CMC2: variants seen among roughly 807,000 people sequenced by gnomAD.
CMC2 encodes C-X9-C motif containing 2.
In CMC2, 5 loss-of-function variants were observed where a neutral mutation model predicts 7.5. The observed-to-expected ratio is 0.66, with a 90% confidence interval of 0.35 to 1.40. The LOEUF (loss-of-function observed/expected upper bound fraction) is 1.40. Among genes scored for constraint, CMC2 ranks in the 40% most tolerant of loss-of-function variants. The probability of loss-of-function intolerance (pLI) is 0.04; values close to 1 mark genes in which losing one functional copy is unlikely to be tolerated. For missense variants in CMC2, 115 were observed against 92.3 expected (o/e 1.25, Z -1.01); for synonymous variants, 37 against 31.4 (o/e 1.18, Z -0.60).
chr16:81,002,899 T>A (rs59569926), intron 1 of CMC2, among the ~76,000 whole-genome samples: 9,592 of 152,276 alleles, frequency 0.063, 979 homozygotes, highest in African/African-American at 0.21. Context: ...CCTTTTCCTA[T>A]TCTTGGTAAG....
At chr16:81,000,843 G>C (rs1190266526) in intron 1 of CMC2, among the ~76,000 whole-genome samples, 1 of 152,076 alleles carries the variant, frequency 6.6e-6, no homozygotes, top group Non-Finnish European at 1.5e-5. Context: ...CCCATTACTG[G>C]GTATATAGCC....
intron 2 of CMC2, among the ~76,000 whole-genome samples, chr16:80,989,119 G>A (rs1213304844): frequency 3.3e-5 from 5 of 152,250 alleles, no homozygotes; most frequent in East Asian, 1.9e-4. Context: ...TTTCTACACC[G>A]TATTCGTTTT....
intron 2 of CMC2, among the ~76,000 whole-genome samples, chr16:80,987,626 G>A (rs1358447029): frequency 6.6e-6 from 1 of 152,166 alleles, no homozygotes. Context: ...CCTGAAAGCT[G>A]TGGAAATAAC....
At chr16:80,988,030 T>A (rs1456562269) in intron 2 of CMC2, among the ~76,000 whole-genome samples, 2 of 149,260 alleles carry the variant, frequency 1.3e-5, no homozygotes, top group African/African-American at 2.5e-5. Flanking sequence ...AAAAAAAAAA[T>A]TGAATTAGCC....
Position 81,006,853 on chromosome 16 carries a change from A to T in CMC2, c.-155T>A. On this transcript the variant is annotated 5_prime_UTR_variant, in exon 1 of 4. Coordinates refer to ENST00000219400, the MANE Select transcript of CMC2 (RefSeq NM_020188.5). Reference sequence around the variant, plus strand: ...GCTTGCCAGACGCCGAAACCCAGTGACGCCCTCCACCGCTCCACCGTGCTC... The same window carrying T: ...GCTTGCCAGACGCCGAAACCCAGTGTCGCCCTCCACCGCTCCACCGTGCTC... The T allele has an allele frequency of 1.0e-6, 1 of 985,592 alleles. No individual in the cohort carries two copies. The highest frequency in any genetic ancestry group is 1.2e-6 in the Non-Finnish European group (1 of 830,196). The allele number at this position is 985,592 out of a possible 1,614,324, so 61.1% of individuals were successfully genotyped here.
chr16:80,993,353 G>A (rs2549857), intron 2 of CMC2, among the ~76,000 whole-genome samples: 99,117 of 152,024 alleles, frequency 0.65, 34,074 homozygotes, highest in South Asian at 0.8. Flanking sequence ...GAACTCAAGA[G>A]GAGAATGGTA....
Position 80,973,470 on chromosome 16 carries a change from A to G in CMC2, c.*2623T>C, listed in dbSNP as rs1186439924. On this transcript the variant is annotated 3_prime_UTR_variant, in exon 4 of 4. Transcript: ENST00000219400. ...CTCAACCAATCCTCACAATAACTCTATGTGACAGGTACTGTCACTGGGTTG... is the reference window on the plus strand; with the variant it reads ...CTCAACCAATCCTCACAATAACTCTGTGTGACAGGTACTGTCACTGGGTTG... 2 of 152,212 alleles carry G rather than the reference A, an allele frequency of 1.3e-5. No individual in the cohort carries two copies. Among genetic ancestry groups the G allele is most frequent in the South Asian group, 2.1e-4 (1 of 4,834 alleles). 9.4% of individuals were successfully genotyped at this position (152,212 alleles called of 1,614,324 possible). A position where few individuals can be genotyped will look rare whatever the true frequency, so the allele number is the denominator to read the frequency against.
chr16:80,972,642 C>T lies in CMC2; in HGVS notation c.*3451G>A, dbSNP rs1326066094. On this transcript the variant is annotated 3_prime_UTR_variant, in exon 4 of 4. Coordinates refer to ENST00000219400, the MANE Select transcript of CMC2 (RefSeq NM_020188.5). ...GAGCATCAAGGTTCACAACATTCTG[C>T]AAAACTAGATTTCTCAGGAAAACCT... The T allele has an allele frequency of 6.6e-6, 1 of 152,160 alleles. No homozygotes were observed. The highest frequency in any genetic ancestry group is 1.5e-5 in the Non-Finnish European group (1 of 68,026). 9.4% of individuals were successfully genotyped at this position (152,160 alleles called of 1,614,324 possible).
At chr16:81,006,608 G>T in intron 1 of CMC2, 126 bp downstream of exon 1, 1 of 690,252 alleles carries the variant, frequency 1.4e-6, no homozygotes, top group Non-Finnish European at 1.8e-6. Flanking sequence ...GCGGCAGCCG[G>T]GTCTTCCTGG....
At chr16:80,981,910 C>A (rs1487613054) in intron 2 of CMC2, 33 bp from the exon 3 acceptor site, 1 of 1,409,084 alleles carries the variant, frequency 7.1e-7, no homozygotes, top group Non-Finnish European at 1.0e-6. Context: ...AATATTTCAT[C>A]CCATAATATG....
rs16944344 is a variant in CMC2, at chr16:80,974,136, A to C, written c.*1957T>G. 0.021 allele frequency: 3,146 copies of C among 152,324 alleles called. 177 individuals carry two copies. Among genetic ancestry groups the C allele is most frequent in the East Asian group, 0.2 (1,024 of 5,146 alleles). The allele number at this position is 152,324 out of a possible 1,614,324, so 9.4% of individuals were successfully genotyped here. A position where few individuals can be genotyped will look rare whatever the true frequency, so the allele number is the denominator to read the frequency against. On this transcript the variant is annotated 3_prime_UTR_variant, in exon 4 of 4. Transcript: ENST00000219400. Reference sequence around the variant, plus strand: ...AGTACTCCCTCCCAAGCAGGCACAAATCAAATGCCTGAGACATCCTAGACA... The same window carrying C: ...AGTACTCCCTCCCAAGCAGGCACAACTCAAATGCCTGAGACATCCTAGACA...
At chr16:81,001,015 T>C (rs1396628720) in intron 1 of CMC2, among the ~76,000 whole-genome samples, 2 of 152,138 alleles carry the variant, frequency 1.3e-5, no homozygotes, top group Non-Finnish European at 2.9e-5. Context: ...TAAACAGCCA[T>C]AAAAAAGGAC....
In CMC2 at chr16:80,971,285, A is replaced by G. The variant is rs1349712648; in HGVS notation, c.*4808T>C. The G allele has an allele frequency of 3.3e-5, 5 of 152,146 alleles. No individual in the cohort carries two copies. Among genetic ancestry groups the G allele is most frequent in the Non-Finnish European group, 5.9e-5 (4 of 68,032 alleles). 9.4% of individuals were successfully genotyped at this position (152,146 alleles called of 1,614,324 possible). A position where few individuals can be genotyped will look rare whatever the true frequency, so the allele number is the denominator to read the frequency against. On this transcript the variant is annotated 3_prime_UTR_variant, in exon 4 of 4. Coordinates refer to ENST00000219400, the MANE Select transcript of CMC2 (RefSeq NM_020188.5). ...TAAAAACACTCTCCCAGATTGGACA[A>G]GAAGGTAAGTAAGAACGTTCATTGA... is the stretch of plus-strand genomic sequence containing the variant.
chr16:81,003,681 T>C (rs574016266), intron 1 of CMC2, among the ~76,000 whole-genome samples: 37 of 152,348 alleles, frequency 2.4e-4, no homozygotes, highest in African/African-American at 5.5e-4. Flanking sequence ...GAGCTTCTGA[T>C]TGACTACAAG....
chr16:80,995,955 T>A (rs1968384242), intron 2 of CMC2, among the ~76,000 whole-genome samples: 1 of 152,094 alleles, frequency 6.6e-6, no homozygotes. Context: ...AATCCATCTT[T>A]AGTTCCAGTG....
chr16:80,989,013 G>A (rs1967762223), intron 2 of CMC2, among the ~76,000 whole-genome samples: 1 of 152,160 alleles, frequency 6.6e-6, no homozygotes, highest in Non-Finnish European at 1.5e-5. Flanking sequence ...TAGAAGTGAT[G>A]TTGTGTCTTC....
In CMC2 at chr16:80,970,260, T is replaced by A. The variant is rs1234273114; in HGVS notation, c.*5833A>T. On this transcript the variant is annotated 3_prime_UTR_variant, in exon 4 of 4. Transcript: ENST00000219400. ...GGATGCTTCATGGACCGTCTCTCTC[T>A]CAATTTAAGTCAATTCCAAATCCAA... is the stretch of plus-strand genomic sequence containing the variant. 1 of 152,186 alleles carries A rather than the reference T, an allele frequency of 6.6e-6. No homozygotes were observed. The highest frequency in any genetic ancestry group is 1.9e-4 in the East Asian group (1 of 5,198). 9.4% of individuals were successfully genotyped at this position (152,186 alleles called of 1,614,324 possible).
At chr16:80,976,395 C>G (rs1489480210) in intron 3 of CMC2, among the ~76,000 whole-genome samples, 2 of 152,186 alleles carry the variant, frequency 1.3e-5, no homozygotes, top group African/African-American at 4.8e-5. Context: ...TCATATCTAG[C>G]ACAATTTCAT....
At chr16:80,977,046 T>C (rs148732228) in intron 3 of CMC2, among the ~76,000 whole-genome samples, 264 of 152,322 alleles carry the variant, frequency 1.7e-3, no homozygotes, top group African/African-American at 5.1e-3. Context: ...CCAGCTCACA[T>C]TGTATTTCTT....
Sources: allele counts gnomAD v4.1 joint callset (sites outside exome capture counted in the v4.1 genomes callset), GRCh38; gene constraint gnomAD v4.1.1; transcripts MANE v1.5; gene names NCBI Gene and HGNC (gene_info 2026-07-23, HGNC 2026-07-21).